DCUN1D3: variants seen among roughly 807,000 people sequenced by gnomAD.
The protein encoded by DCUN1D3 is defective in cullin neddylation 1 domain containing 3.
A neutral mutation model predicts 24.8 loss-of-function variants in DCUN1D3; 6 were observed. The ratio of observed to expected loss-of-function variants is 0.24; its 90% confidence interval spans 0.13 to 0.48. DCUN1D3 has a LOEUF of 0.48. DCUN1D3 is among the 20% of genes least tolerant of loss of function. The probability of loss-of-function intolerance (pLI) is 0.99; values close to 1 mark genes in which losing one functional copy is unlikely to be tolerated. For missense variants in DCUN1D3, 258 were observed against 379.4 expected (o/e 0.68, Z 2.66); for synonymous variants, 120 against 144.9 (o/e 0.83, Z 1.24).
At chr16:20,882,377 C>T (rs1418322669) in intron 1 of DCUN1D3, among the ~76,000 whole-genome samples, 2 of 151,854 alleles carry the variant, frequency 1.3e-5, no homozygotes, top group East Asian at 1.9e-4. Flanking sequence ...CTCAGCCTCC[C>T]GAGTAGCTGG....
At chr16:20,875,212 A>G (rs1450407336) in intron 1 of DCUN1D3, among the ~76,000 whole-genome samples, 2 of 22,802 alleles carry the variant, frequency 8.8e-5, no homozygotes, top group East Asian at 8.2e-4. Flanking sequence ...GCGCTCATGC[A>G]CACACACACA....
intron 1 of DCUN1D3, among the ~76,000 whole-genome samples, chr16:20,875,934 A>AAAT (rs892191257): frequency 1.3e-5 from 2 of 152,022 alleles, no homozygotes; most frequent in Non-Finnish European, 2.9e-5. Context: ...CTTAATAGCA[A>AAAT]AATAATAATA....
chr16:20,866,180 G>A (rs959471204), intron 1 of DCUN1D3, among the ~76,000 whole-genome samples: 4 of 152,138 alleles, frequency 2.6e-5, no homozygotes, highest in African/African-American at 7.2e-5. Flanking sequence ...GCAACTGTGC[G>A]AGCTGAATTA....
Position 20,860,215 on chromosome 16 carries a change from C to T in DCUN1D3, c.586G>A (p.Gly196Arg). 1 of 1,614,208 alleles carries T rather than the reference C, an allele frequency of 6.2e-7. No individual in the cohort carries two copies. Among genetic ancestry groups the T allele is most frequent in the Non-Finnish European group, 8.5e-7 (1 of 1,180,030 alleles). Reference sequence around the variant, plus strand: ...ATTTCCCGATGCAGTGACCGCTGCCCTTCTTCAGAGTCCAGGCCAAACTGA... The same window carrying T: ...ATTTCCCGATGCAGTGACCGCTGCCTTTCTTCAGAGTCCAGGCCAAACTGA... ...TFQFGLDSEE[G>R]QRSLHREIAI... The change falls in exon 3 of 3, where the codon GGG (glycine) becomes AGG (arginine). Residue 196 changes from glycine (G) to arginine (R), a missense_variant. Coordinates refer to ENST00000324344, the MANE Select transcript of DCUN1D3 (RefSeq NM_173475.4). This position sits in a 1 kb window ranked among gnomAD's most constrained non-coding sequence, Gnocchi z 4.3.
intron 2 of DCUN1D3, among the ~76,000 whole-genome samples, chr16:20,861,462 A>G (rs2081732166): frequency 6.6e-6 from 1 of 151,872 alleles, no homozygotes; most frequent in African/African-American, 2.4e-5. Flanking sequence ...GGAGGGAGAG[A>G]GGTGTATCCC....
At position 20,860,093 on chromosome 16, in the gene DCUN1D3, C is replaced by A. The variant is rs1429777844; in HGVS notation, c.708G>T (p.Lys236Asn). Residue 236 changes from lysine (K) to asparagine (N), a missense_variant, in exon 3 of 3, where the codon AAG (lysine) becomes AAT (asparagine). Lys to Asn is a moderately conservative substitution (Grantham distance 94, BLOSUM62 0). Transcript: ENST00000324344. The surrounding 1 kb of genome is among the most constrained non-coding windows in gnomAD (Gnocchi z 4.3). ...NFLTENPSGI[K>N]GISRDTWNMF... ...TGTTCCAAGTGTCCCGGGAGATGCC[C>A]TTGATCCCCGAGGGGTTCTCTGTTA... 1 of 1,614,106 alleles carries A rather than the reference C, an allele frequency of 6.2e-7. No homozygotes were observed. Among genetic ancestry groups the A allele is most frequent in the Admixed American group, 1.7e-5 (1 of 60,006 alleles).
At chr16:20,873,433 A>C (rs2081799382) in intron 1 of DCUN1D3, among the ~76,000 whole-genome samples, 1 of 152,216 alleles carries the variant, frequency 6.6e-6, no homozygotes, top group African/African-American at 2.4e-5. Flanking sequence ...AGTGATTCAC[A>C]TTCCCAGGGA....
chr16:20,862,728 G>A lies in DCUN1D3; in HGVS notation c.-105-85C>T, dbSNP rs886530919. 21 of 1,272,180 alleles carry A rather than the reference G, an allele frequency of 1.7e-5. No homozygotes were observed. In the Admixed American group the frequency reaches 1.8e-4, roughly 11 times the overall value. The allele number at this position is 1,272,180 out of a possible 1,614,324, so 78.8% of individuals were successfully genotyped here. ...CTTCTAGGGTGCACACTGGTTCACC[G>A]CTCTATTTCCATGAGCCAACAACGA... On this transcript the variant is annotated intron_variant, in intron 1 of 2. Transcript: ENST00000324344.
chr16:20,874,948 G>C (rs990523126), intron 1 of DCUN1D3, among the ~76,000 whole-genome samples: 2 of 152,014 alleles, frequency 1.3e-5, no homozygotes, highest in African/African-American at 4.8e-5. Flanking sequence ...AGGCACTGTG[G>C]TACTGCAAGC....
At chr16:20,861,143 T>C (rs1234791276) in intron 2 of DCUN1D3, among the ~76,000 whole-genome samples, 1 of 152,232 alleles carries the variant, frequency 6.6e-6, no homozygotes, top group Non-Finnish European at 1.5e-5. Context: ...TATGCACAGC[T>C]ACTGCTTAGT....
intron 1 of DCUN1D3, among the ~76,000 whole-genome samples, chr16:20,877,768 A>T (rs1476169391): frequency 2.0e-5 from 3 of 152,146 alleles, no homozygotes; most frequent in Admixed American, 1.3e-4. Context: ...GAGTCCTAAG[A>T]ATGCAGAACT....
chr16:20,898,567 G>T (rs1190052773), intron 1 of DCUN1D3, among the ~76,000 whole-genome samples: 1 of 152,172 alleles, frequency 6.6e-6, no homozygotes, highest in Non-Finnish European at 1.5e-5. Context: ...TTCTTCTGTT[G>T]TATTTTTGTG....
intron 1 of DCUN1D3, among the ~76,000 whole-genome samples, chr16:20,877,351 T>C (rs1250281081): frequency 6.6e-6 from 1 of 152,208 alleles, no homozygotes; most frequent in Non-Finnish European, 1.5e-5. Context: ...GTTCAACCAA[T>C]CCAAATGCCA....
At chr16:20,864,360 T>C (rs1027946767) in intron 1 of DCUN1D3, among the ~76,000 whole-genome samples, 2 of 151,956 alleles carry the variant, frequency 1.3e-5, no homozygotes, top group African/African-American at 2.4e-5. Context: ...AAAGAAGACA[T>C]ACATGTGGCC....
intron 1 of DCUN1D3, among the ~76,000 whole-genome samples, chr16:20,889,356 C>G (rs570314461): frequency 4.0e-5 from 6 of 151,762 alleles, no homozygotes; most frequent in Non-Finnish European, 8.8e-5. Context: ...CGTGCCACTG[C>G]ACTCCAGGCT....
At chr16:20,882,791 T>C (rs2081850935) in intron 1 of DCUN1D3, among the ~76,000 whole-genome samples, 1 of 152,246 alleles carries the variant, frequency 6.6e-6, no homozygotes, top group Admixed American at 6.5e-5. Flanking sequence ...CGCTTCACTT[T>C]GAATACAACC....
rs534572892 is a variant in DCUN1D3, at chr16:20,898,113, C to G, written c.-106+2091G>C. ...CCTACCCTGACCCTTTCTTCCCATT[C>G]CCTGGAACTTGACAAGCGCATTCCA... On this transcript the variant is annotated intron_variant, in intron 1 of 2. Coordinates refer to ENST00000324344, the MANE Select transcript of DCUN1D3 (RefSeq NM_173475.4). 9.3e-4 allele frequency among the ~76,000 whole-genome samples: 141 copies of G among 152,324 alleles called. 1 individual carries two copies. Among genetic ancestry groups the G allele is most frequent in the African/African-American group, 3.3e-3 (136 of 41,568 alleles).
At position 20,856,064 on chromosome 16, in the gene DCUN1D3, CTTAACCTTATAA is replaced by C. The variant is rs2081701428; in HGVS notation, c.*3810_*3821del. ...ACCTAGCAGCAGCTTTCTTCTACGCCTTAACCTTATAATTGCATAACTGAGTCTACACCTTTT... is the reference window on the plus strand; with the variant it reads ...ACCTAGCAGCAGCTTTCTTCTACGCCTTGCATAACTGAGTCTACACCTTTT... On this transcript the variant is annotated 3_prime_UTR_variant, in exon 3 of 3. Transcript: ENST00000324344. 1 of 151,990 alleles carries C rather than the reference CTTAACCTTATAA, an allele frequency of 6.6e-6. No individual in the cohort carries two copies. The highest frequency in any genetic ancestry group is 1.5e-5 in the Non-Finnish European group (1 of 67,990). The allele number at this position is 151,990 out of a possible 1,614,324, so 9.4% of individuals were successfully genotyped here.
Position 20,855,850 on chromosome 16 carries a change from C to T in DCUN1D3, c.*4036G>A, listed in dbSNP as rs1170041976. The T allele has an allele frequency of 2.6e-5, 4 of 152,176 alleles. No homozygotes were observed. Among genetic ancestry groups the T allele is most frequent in the African/African-American group, 7.2e-5 (3 of 41,434 alleles). The allele number at this position is 152,176 out of a possible 1,614,324, so 9.4% of individuals were successfully genotyped here. A position where few individuals can be genotyped will look rare whatever the true frequency, so the allele number is the denominator to read the frequency against. ...ATGAGTCCCAATTAACACAATTCAA[C>T]AACCTTAATAGTCCTTTCAGTCGTT... On this transcript the variant is annotated 3_prime_UTR_variant, in exon 3 of 3. Coordinates refer to ENST00000324344, the MANE Select transcript of DCUN1D3 (RefSeq NM_173475.4).
Sources: gnomAD v4.1 joint callset for allele counts (sites outside exome capture counted in the v4.1 genomes callset) on GRCh38, gnomAD v4.1.1 for gene constraint, Gnocchi (gnomAD v3.1) non-coding constraint, MANE v1.5 for transcripts, NCBI Gene and HGNC (gene_info 2026-07-23, HGNC 2026-07-21) for gene names.